Variants in TMTC4 observed in about 807,000 individuals in gnomAD.
TMTC4 encodes the protein protein O-mannosyl-transferase TMTC4.
In TMTC4, 65 loss-of-function variants were observed where a neutral mutation model predicts 86.0. That is an observed-to-expected ratio of 0.76 (90% confidence interval 0.62 to 0.93). The LOEUF (loss-of-function observed/expected upper bound fraction) is 0.93. Ranked by LOEUF, TMTC4 falls within the 40% of genes least tolerant of loss-of-function variation. The probability of loss-of-function intolerance (pLI) is 0.00; values close to 1 mark genes in which losing one functional copy is unlikely to be tolerated. For synonymous variants in TMTC4, 379 were observed against 382.5 expected (o/e 0.99, Z 0.11); for missense variants, 866 against 948.1 (o/e 0.91, Z 1.14).
At position 100,668,609 on chromosome 13, in the gene TMTC4, A is replaced by G. The variant is rs946818533; in HGVS notation, c.189T>C (p.Phe63=). 8 of 1,614,120 alleles carry G rather than the reference A, an allele frequency of 5.0e-6. No homozygotes were observed. The African/African-American group carries it at 6.7e-5, about 13-fold the overall frequency. ...TGTTAACAATAGCTTCTGAGTCATC[A>G]AAGACAAAGTCTCCATCATAGCTGC... ...FARSYDGDFV[F]DDSEAIVNNK... is the part of the protein sequence containing the mutation. Residue 63 remains phenylalanine (F), a synonymous_variant, in exon 3 of 19, where the codon TTT becomes TTC. Coordinates refer to ENST00000342624, the MANE Select transcript of TMTC4 (RefSeq NM_032813.5).
At chr13:100,637,054 C>G (rs192610554) in intron 9 of TMTC4, among the ~76,000 whole-genome samples, 3 of 152,186 alleles carry the variant, frequency 2.0e-5, no homozygotes, top group Non-Finnish European at 4.4e-5. Context: ...GTCACCTATA[C>G]ACCCAATAAC....
At chr13:100,643,110 G>A (rs1883241640) in intron 6 of TMTC4, among the ~76,000 whole-genome samples, 1 of 151,984 alleles carries the variant, frequency 6.6e-6, no homozygotes, top group Non-Finnish European at 1.5e-5. Context: ...GCAATTTGGG[G>A]GCCAGAACTA....
In TMTC4 at chr13:100,604,076, A is replaced by T. The variant is rs886197801; in HGVS notation, c.*918T>A. 3.9e-5 allele frequency: 6 copies of T among 152,678 alleles called. No individual in the cohort carries two copies. The highest frequency in any genetic ancestry group is 1.4e-4 in the African/African-American group (6 of 41,472). 9.5% of individuals were successfully genotyped at this position (152,678 alleles called of 1,614,324 possible). A position where few individuals can be genotyped will look rare whatever the true frequency, so the allele number is the denominator to read the frequency against. The stretch of plus-strand genomic sequence containing the variant: ...CAGGAACAACTCAATTCTTAAAAAT[A>T]CCACGAATTCCCCGAATGTGGCTCC... On this transcript the variant is annotated 3_prime_UTR_variant, in exon 19 of 19. Transcript: ENST00000342624.
At chr13:100,658,219 C>G (rs531128766) in intron 5 of TMTC4, among the ~76,000 whole-genome samples, 3 of 152,116 alleles carry the variant, frequency 2.0e-5, no homozygotes, top group African/African-American at 4.8e-5. Flanking sequence ...GTGGGTGCAG[C>G]TGACTATGAG....
intron 1 of TMTC4, 51 bp downstream of exon 1, chr13:100,674,693 C>G (rs1276690196): frequency 6.1e-6 from 6 of 983,218 alleles, no homozygotes; most frequent in Non-Finnish European, 7.2e-6. Context: ...GCGTCCAACT[C>G]CGCTCGCCCC....
intron 5 of TMTC4, among the ~76,000 whole-genome samples, chr13:100,657,533 C>G (rs1566631403): frequency 6.6e-6 from 1 of 152,116 alleles, no homozygotes; most frequent in East Asian, 1.9e-4. Context: ...CAATGTTGTA[C>G]GTGATGAAAG....
rs1189654183 is a variant in TMTC4 at position 100,626,086 on chromosome 13, T to C, written c.1571A>G (p.Tyr524Cys). The stretch of plus-strand genomic sequence containing the variant: ...CTCGCCATACCTTACAGCTTCCCGG[T>C]AGTATCTGATGGCAGCTGTCTGGTT... ...KGNQTAAIRY[Y>C]REAVRLNPKY... Residue 524 changes from tyrosine (Y) to cysteine (C), a missense_variant, in exon 13 of 19, where the codon TAC becomes TGC. Coordinates refer to ENST00000342624, the MANE Select transcript of TMTC4 (RefSeq NM_032813.5). The C allele has an allele frequency of 1.9e-6, 3 of 1,614,224 alleles. No individual in the cohort carries two copies. The highest frequency in any genetic ancestry group is 2.5e-6 in the Non-Finnish European group (3 of 1,180,040).
chr13:100,673,908 A>G, intron 1 of TMTC4: 1 of 488,168 alleles, frequency 2.0e-6, no homozygotes, highest in East Asian at 1.5e-4. Context: ...GTTTCTCAAG[A>G]CATTCTCCCC....
intron 2 of TMTC4, among the ~76,000 whole-genome samples, 190 bp from the exon 3 acceptor site, chr13:100,668,984 T>C (rs1309354623): frequency 6.6e-6 from 1 of 152,248 alleles, no homozygotes; most frequent in Non-Finnish European, 1.5e-5. Context: ...TGCAGATTCC[T>C]GGGTCCGACC....
intron 6 of TMTC4, among the ~76,000 whole-genome samples, chr13:100,644,161 A>C (rs1432442267): frequency 7.1e-6 from 1 of 141,768 alleles, no homozygotes; most frequent in Non-Finnish European, 1.5e-5. Flanking sequence ...GCTGGAGTGC[A>C]GTGGCACGAT....
intron 9 of TMTC4, among the ~76,000 whole-genome samples, chr13:100,636,944 G>A (rs1336373237): frequency 3.3e-5 from 5 of 152,118 alleles, no homozygotes; most frequent in Admixed American, 3.3e-4. Context: ...TAAAAATATG[G>A]CAAAGCCATC....
chr13:100,645,152 C>CT (rs1883557941), intron 6 of TMTC4, among the ~76,000 whole-genome samples: 1 of 152,156 alleles, frequency 6.6e-6, no homozygotes, highest in South Asian at 2.1e-4. Context: ...TCTCTTTTGC[C>CT]TTCAGGATAA....
intron 13 of TMTC4, 69 bp downstream of exon 13, chr13:100,626,002 A>C: frequency 1.9e-6 from 3 of 1,602,014 alleles, no homozygotes; most frequent in Non-Finnish European, 2.6e-6. Context: ...TTAAAGGAAC[A>C]GGTGTTTCAT....
In TMTC4 at chr13:100,665,488, C is replaced by T. The variant is rs567730981; in HGVS notation, c.220-1152G>A. On this transcript the variant is annotated intron_variant, in intron 3 of 18. Coordinates refer to ENST00000342624, the MANE Select transcript of TMTC4 (RefSeq NM_032813.5). Reference sequence around the variant, plus strand: ...GGCCTGGAAAGCCAGGGCAGGGCCACGTGGCAGGAGCAAAACCACAAATCA... The same window carrying T: ...GGCCTGGAAAGCCAGGGCAGGGCCATGTGGCAGGAGCAAAACCACAAATCA... Among the ~76,000 whole-genome samples the T allele has an allele frequency of 2.0e-5, 3 of 152,344 alleles. No homozygotes were observed. The South Asian group carries it at 6.2e-4, about 32-fold the overall frequency.
At chr13:100,657,115 G>A (rs909728128) in intron 5 of TMTC4, among the ~76,000 whole-genome samples, 14 of 152,066 alleles carry the variant, frequency 9.2e-5, no homozygotes, top group African/African-American at 3.4e-4. Context: ...GAGCTCCAAA[G>A]ACTTAGTCTT....
chr13:100,606,256 G>T, intron 18 of TMTC4, 102 bp downstream of exon 18: 1 of 982,112 alleles, frequency 1.0e-6, no homozygotes, highest in Non-Finnish European at 1.6e-6. Context: ...AGCCAGGCTA[G>T]CTTTGAAAAA....
chr13:100,617,970 G>A (rs879063874), intron 15 of TMTC4, among the ~76,000 whole-genome samples: 1 of 152,164 alleles, frequency 6.6e-6, no homozygotes, highest in Non-Finnish European at 1.5e-5. Flanking sequence ...TCCATGGTCA[G>A]GAAATGTTTT....
chr13:100,650,558 C>A (rs1254304373), intron 6 of TMTC4, among the ~76,000 whole-genome samples: 1 of 152,252 alleles, frequency 6.6e-6, no homozygotes, highest in Non-Finnish European at 1.5e-5. Flanking sequence ...GCCACCCCGA[C>A]AGGTGGCCGC....
In TMTC4 at chr13:100,663,193, A is replaced by G. The variant is rs377708507; in HGVS notation, c.336-13T>C. On this transcript the variant is annotated splice_polypyrimidine_tract_variant and intron_variant, in intron 4 of 18. Coordinates refer to ENST00000342624, the MANE Select transcript of TMTC4 (RefSeq NM_032813.5). ...GTAGTAGTTAATCCTGCAGAAACAC[A>G]GGGTGTTCAGGGTACACGCGCAGCG... 1.9e-6 allele frequency: 3 copies of G among 1,613,160 alleles called. No individual in the cohort carries two copies. The African/African-American group carries it at 4.0e-5, about 22-fold the overall frequency.
Sources: allele counts gnomAD v4.1 joint callset (sites outside exome capture counted in the v4.1 genomes callset), GRCh38; gene constraint gnomAD v4.1.1; transcripts MANE v1.5; gene names NCBI Gene and HGNC (gene_info 2026-07-23, HGNC 2026-07-21).